Variants in IQGAP2 observed in about 807,000 individuals in gnomAD.
IQGAP2 encodes ras GTPase-activating-like protein IQGAP2.
A neutral mutation model predicts 201.3 loss-of-function variants in IQGAP2; 173 were observed. That is an observed-to-expected ratio of 0.86 (90% confidence interval 0.76 to 0.98). The LOEUF (loss-of-function observed/expected upper bound fraction) is 0.98. Ranked by LOEUF, IQGAP2 falls within the 50% of genes least tolerant of loss-of-function variation. The probability of loss-of-function intolerance (pLI) is 0.00; values close to 1 mark genes in which losing one functional copy is unlikely to be tolerated. For missense variants in IQGAP2, 1,687 were observed against 1,864.8 expected, an observed-to-expected ratio of 0.90 and a Z score of 1.76; for synonymous variants, 675 against 673.9, an observed-to-expected ratio of 1.00 and a Z score of -0.03.
In IQGAP2 at chr5:76,577,657, G is replaced by A. The variant is rs141169869; in HGVS notation, c.458+1888G>A. On this transcript the variant is annotated intron_variant, in intron 5 of 35. Coordinates refer to ENST00000274364, the MANE Select transcript of IQGAP2 (RefSeq NM_006633.5). ...TTCCACCAAAACTTGTTCCTGCTAT[G>A]ATTTAAAATGCAGTCAGTCACTCAA... Among the ~76,000 whole-genome samples the A allele has an allele frequency of 3.5e-3, 536 of 152,280 alleles. 6 individuals carry two copies. The highest frequency in any genetic ancestry group is 0.012 in the African/African-American group (517 of 41,548).
intron 24 of IQGAP2, among the ~76,000 whole-genome samples, chr5:76,672,908 G>T (rs1017729196): frequency 7.3e-6 from 1 of 137,418 alleles, no homozygotes; most frequent in African/African-American, 2.7e-5. Flanking sequence ...ACTGTTGTGG[G>T]ATTGGGGGAG....
At chr5:76,648,236 C>G (rs1447589849) in intron 17 of IQGAP2, among the ~76,000 whole-genome samples, 1 of 152,120 alleles carries the variant, frequency 6.6e-6, no homozygotes, top group Non-Finnish European at 1.5e-5. Flanking sequence ...CCTTGGGTCC[C>G]AAGATTCACT....
intron 8 of IQGAP2, among the ~76,000 whole-genome samples, chr5:76,591,690 G>C (rs1205109990): frequency 1.3e-5 from 2 of 152,100 alleles, no homozygotes; most frequent in Admixed American, 1.3e-4. Context: ...CTCCCTCTCA[G>C]TATGGGGATT....
chr5:76,564,430 T>C (rs1347105340), intron 3 of IQGAP2, among the ~76,000 whole-genome samples: 1 of 152,244 alleles, frequency 6.6e-6, no homozygotes, highest in East Asian at 1.9e-4. Flanking sequence ...CTTTTGGCTT[T>C]CATGAACTGT....
chr5:76,476,045 A>G lies in IQGAP2; in HGVS notation c.146+14376A>G, dbSNP rs988588910. 3.9e-5 allele frequency among the ~76,000 whole-genome samples: 6 copies of G among 152,326 alleles called. No homozygotes were observed. The East Asian group carries it at 7.7e-4, about 20-fold the overall frequency. The stretch of plus-strand genomic sequence containing the variant: ...AGAATAAAGGGCAGGATCTATAAGA[A>G]TAAGGAAGTGGAGAAGTGAGTAAAT... On this transcript the variant is annotated intron_variant, in intron 2 of 35. Coordinates refer to ENST00000274364, the MANE Select transcript of IQGAP2 (RefSeq NM_006633.5).
At chr5:76,416,175 G>T (rs140611299) in intron 1 of IQGAP2, among the ~76,000 whole-genome samples, 31 of 152,242 alleles carry the variant, frequency 2.0e-4, no homozygotes, top group African/African-American at 7.5e-4. Flanking sequence ...TTTACATAGG[G>T]TTTATGACCA....
At position 76,640,486 on chromosome 5, in the gene IQGAP2, AGG is replaced by A. The variant is rs3839252; in HGVS notation, c.1924-444_1924-443del. Among the ~76,000 whole-genome samples, 56 of 152,280 alleles carry A rather than the reference AGG, an allele frequency of 3.7e-4. 1 individual carries two copies. In the East Asian group the frequency reaches 0.011, roughly 29 times the overall value. On this transcript the variant is annotated intron_variant, in intron 16 of 35. Transcript: ENST00000274364. The stretch of plus-strand genomic sequence containing the variant: ...TCTGAGTTTGGCCACAGCTCGTTAC[AGG>A]GGTCTGCCTACTCTGGCCTGGGGAA...
chr5:76,670,090 G>A (rs1238052534), intron 23 of IQGAP2, among the ~76,000 whole-genome samples: 1 of 152,196 alleles, frequency 6.6e-6, no homozygotes, highest in Non-Finnish European at 1.5e-5. Context: ...GGCGGGTGAA[G>A]CTGTGCATGC....
chr5:76,561,099 A>G (rs183310980), intron 2 of IQGAP2, among the ~76,000 whole-genome samples: 189 of 152,326 alleles, frequency 1.2e-3, no homozygotes, highest in Non-Finnish European at 7.4e-5. Context: ...GTGGGATAGC[A>G]TGAGATTTCA....
At chr5:76,613,491 G>T (rs987577280) in intron 13 of IQGAP2, among the ~76,000 whole-genome samples, 1 of 152,038 alleles carries the variant, frequency 6.6e-6, no homozygotes, top group African/African-American at 2.4e-5. Context: ...TTATGGTGAG[G>T]GTTCAATGAG....
At chr5:76,514,011 C>CTTTT (rs70982619) in intron 2 of IQGAP2, among the ~76,000 whole-genome samples, 1 of 65,084 alleles carries the variant, frequency 1.5e-5, no homozygotes, top group Non-Finnish European at 2.6e-5. Flanking sequence ...TATTTGTTGC[C>CTTTT]TTTTTTTTTT....
chr5:76,498,325 T>C (rs144939046), intron 2 of IQGAP2, among the ~76,000 whole-genome samples: 5 of 152,338 alleles, frequency 3.3e-5, no homozygotes, highest in Non-Finnish European at 5.9e-5. Flanking sequence ...TTCTTCTTCA[T>C]TGAATGCATC....
At chr5:76,469,450 C>T (rs1754985784) in intron 2 of IQGAP2, among the ~76,000 whole-genome samples, 1 of 151,456 alleles carries the variant, frequency 6.6e-6, no homozygotes, top group African/African-American at 2.4e-5. Flanking sequence ...AGCTGGAATG[C>T]AGTGCAGTGG....
intron 2 of IQGAP2, among the ~76,000 whole-genome samples, chr5:76,489,577 T>G (rs1756404158): frequency 6.6e-6 from 1 of 152,124 alleles, no homozygotes; most frequent in Non-Finnish European, 1.5e-5. Flanking sequence ...TTCTTGTGCC[T>G]CGGCCTCCCA....
At chr5:76,510,219 C>G (rs1040767215) in intron 2 of IQGAP2, among the ~76,000 whole-genome samples, 2 of 152,028 alleles carry the variant, frequency 1.3e-5, no homozygotes, top group African/African-American at 4.8e-5. Flanking sequence ...AGGCTGGTCT[C>G]GAACTCCTGA....
At chr5:76,536,218 G>A (rs1759614594) in intron 2 of IQGAP2, among the ~76,000 whole-genome samples, 1 of 151,522 alleles carries the variant, frequency 6.6e-6, no homozygotes, top group African/African-American at 2.4e-5. Flanking sequence ...ACAGGTGCCA[G>A]CCACCACGTC....
chr5:76,573,273 T>A (rs1159152110), intron 4 of IQGAP2, among the ~76,000 whole-genome samples: 1 of 152,250 alleles, frequency 6.6e-6, no homozygotes, highest in Non-Finnish European at 1.5e-5. Context: ...CAGATTTTAT[T>A]TTAACATTGG....
Position 76,665,093 on chromosome 5 carries a change from C to T in IQGAP2, c.2597C>T (p.Thr866Ile), listed in dbSNP as rs1743631663. 2 of 1,605,364 alleles carry T rather than the reference C, an allele frequency of 1.2e-6. No individual in the cohort carries two copies. The highest frequency in any genetic ancestry group is 1.7e-6 in the Non-Finnish European group (2 of 1,172,344). ...GGAGAAATGGAAATACTGAATAACA[C>T]CGACAACCAAGGAATAAAAAGTTTG... Reference protein sequence around the residue: ...KGGEMEILNNTDNQGIKSLSK... With the variant: ...KGGEMEILNNIDNQGIKSLSK... The change falls in exon 22 of 36, where the codon ACC becomes ATC. Residue 866 changes from threonine (T) to isoleucine (I), a missense_variant. By Grantham distance (89) the Thr-to-Ile change is moderately conservative (BLOSUM62 -1). Coordinates refer to ENST00000274364, the MANE Select transcript of IQGAP2 (RefSeq NM_006633.5).
Position 76,597,423 on chromosome 5 carries a change from G to T in IQGAP2, c.908-16G>T. On this transcript the variant is annotated splice_polypyrimidine_tract_variant and intron_variant, in intron 9 of 35. Coordinates refer to ENST00000274364, the MANE Select transcript of IQGAP2 (RefSeq NM_006633.5). Reference sequence around the variant, plus strand: ...AAGAGCAACCATTCTGACAAAACATGAACCCCCATCCTCAGGGCAGGCTGC... The same window carrying T: ...AAGAGCAACCATTCTGACAAAACATTAACCCCCATCCTCAGGGCAGGCTGC... 6.2e-7 allele frequency: 1 copy of T among 1,612,770 alleles called. No homozygotes were observed. Among genetic ancestry groups the T allele is most frequent in the Non-Finnish European group, 8.5e-7 (1 of 1,179,456 alleles).
Sources: gnomAD v4.1 joint callset for allele counts (sites outside exome capture counted in the v4.1 genomes callset) on GRCh38, gnomAD v4.1.1 for gene constraint, MANE v1.5 for transcripts, NCBI Gene and HGNC (gene_info 2026-07-23, HGNC 2026-07-21) for gene names.